Variants in CSMD2 observed in about 807,000 individuals in gnomAD.
CSMD2 encodes the protein CUB and sushi domain-containing protein 2.
CSMD2 carries 130 observed loss-of-function variants against 398.5 expected under a neutral mutation model. The ratio of observed to expected loss-of-function variants is 0.33; its 90% CI spans 0.28 to 0.38. CSMD2 has a LOEUF of 0.38. Ranked by LOEUF, CSMD2 falls within the 10% of genes least tolerant of loss-of-function variation. The pLI is 1.00. For synonymous variants in CSMD2, 1,828 were observed against 1,908.5 expected (o/e 0.96, Z 1.10); for missense variants, 3,829 against 4,764.9 (o/e 0.80, Z 5.78).
chr1:33,714,547 C>A, intron 21 of CSMD2, 40 bp downstream of exon 21: 1 of 1,602,536 alleles, frequency 6.2e-7, no homozygotes, highest in Non-Finnish European at 8.5e-7. Flanking sequence ...ATCTGTCCCA[C>A]CCCATTAGTG....
At chr1:33,932,252 G>A (rs528754500) in intron 4 of CSMD2, among the ~76,000 whole-genome samples, 1 of 152,274 alleles carries the variant, frequency 6.6e-6, no homozygotes, top group African/African-American at 2.4e-5. Flanking sequence ...GCTCAGGACA[G>A]AGAATGGGGT....
chr1:33,671,339 A>ATAATCTGC (rs1312418936), intron 25 of CSMD2, among the ~76,000 whole-genome samples: 1 of 152,056 alleles, frequency 6.6e-6, no homozygotes, highest in Non-Finnish European at 1.5e-5. Flanking sequence ...GGCACTCATG[A>ATAATCTGC]TAATCTGCAG....
intron 40 of CSMD2, 80 bp from the exon 41 acceptor site, chr1:33,611,330 T>C: frequency 8.0e-7 from 1 of 1,248,180 alleles, no homozygotes; most frequent in Non-Finnish European, 1.2e-6. Flanking sequence ...AAGCAGCTCC[T>C]GCCAGAGCCA....
Position 33,882,542 on chromosome 1 carries a change from G to A in CSMD2, c.921-35546C>T, listed in dbSNP as rs577245442. 2.0e-5 allele frequency among the ~76,000 whole-genome samples: 3 copies of A among 152,268 alleles called. No homozygotes were observed. The South Asian group carries it at 6.2e-4, about 32-fold the overall frequency. ...GCATTAGGCTGGCATTAGTGATAAGGGCACATGTGAAAACTTGCCTGTTTC... is the reference window on the plus strand; with the variant it reads ...GCATTAGGCTGGCATTAGTGATAAGAGCACATGTGAAAACTTGCCTGTTTC... On this transcript the variant is annotated intron_variant, in intron 5 of 70. Transcript: ENST00000373381.
intron 46 of CSMD2, among the ~76,000 whole-genome samples, chr1:33,585,865 A>T (rs1365406014): frequency 6.6e-6 from 1 of 152,246 alleles, no homozygotes; most frequent in Non-Finnish European, 1.5e-5. Context: ...GCCAGGCATC[A>T]TTCTAAACTG....
intron 13 of CSMD2, among the ~76,000 whole-genome samples, chr1:33,750,112 A>G (rs1179638651): frequency 7.2e-5 from 11 of 152,216 alleles, no homozygotes; most frequent in Non-Finnish European, 1.5e-4. Context: ...AAAATTTTTA[A>G]TGGAGAGGCA....
chr1:33,821,835 G>A (rs1459935233), intron 7 of CSMD2, among the ~76,000 whole-genome samples: 1 of 152,200 alleles, frequency 6.6e-6, no homozygotes, highest in African/African-American at 2.4e-5. Flanking sequence ...CCTGGAAGAG[G>A]TGGCATCGAA....
chr1:34,110,710 A>G (rs1451376110), intron 1 of CSMD2, among the ~76,000 whole-genome samples: 2 of 152,158 alleles, frequency 1.3e-5, no homozygotes, highest in Non-Finnish European at 2.9e-5. Context: ...ACATGGACAC[A>G]AAGAGGCGAG....
chr1:33,592,604 T>A (rs1412844500), intron 44 of CSMD2: 1 of 678,970 alleles, frequency 1.5e-6, no homozygotes, highest in Non-Finnish European at 2.7e-6. Flanking sequence ...AAACTACCTA[T>A]CACTAAGTGG....
At chr1:33,678,992 G>A (rs1279443254) in intron 25 of CSMD2, among the ~76,000 whole-genome samples, 1 of 152,108 alleles carries the variant, frequency 6.6e-6, no homozygotes, top group Non-Finnish European at 1.5e-5. Flanking sequence ...TAACGTGCTG[G>A]GTGACCTCCG....
chr1:33,854,284 T>C (rs563725077), intron 5 of CSMD2, among the ~76,000 whole-genome samples: 62 of 152,300 alleles, frequency 4.1e-4, no homozygotes, highest in Non-Finnish European at 7.9e-4. Context: ...CTTTCTTTGG[T>C]ACCTTGGAGA....
rs1164302389 is a variant in CSMD2, at chr1:34,082,133, G to A, written c.404+6844C>T. On this transcript the variant is annotated intron_variant, in intron 2 of 70. Coordinates refer to ENST00000373381, the MANE Select transcript of CSMD2 (RefSeq NM_001281956.2). ...GGGAGCGCCTCTGCCCGGCCGCCCC[G>A]TCTGGGATGTGAGGAGCACCTCTGC... Among the ~76,000 whole-genome samples the A allele has an allele frequency of 7.4e-4, 107 of 143,738 alleles. 1 individual carries two copies. Among genetic ancestry groups the A allele is most frequent in the African/African-American group, 1.9e-3 (74 of 38,632 alleles). 94.3% of individuals were successfully genotyped at this position (143,738 alleles called of 152,430 possible).
At chr1:33,742,137 C>T (rs964505179) in intron 14 of CSMD2, among the ~76,000 whole-genome samples, 4 of 152,208 alleles carry the variant, frequency 2.6e-5, no homozygotes, top group African/African-American at 9.7e-5. Flanking sequence ...GCAGATGAAA[C>T]AGGAATCCCC....
At chr1:33,583,919 C>T in intron 46 of CSMD2, 89 bp from the exon 47 acceptor site, 1 of 1,101,316 alleles carries the variant, frequency 9.1e-7, no homozygotes, top group Non-Finnish European at 1.3e-6. Context: ...CTAAAGACAA[C>T]CCCTAGAAAA....
chr1:34,007,046 C>A (rs1647080620), intron 3 of CSMD2, among the ~76,000 whole-genome samples: 1 of 152,102 alleles, frequency 6.6e-6, no homozygotes, highest in African/African-American at 2.4e-5. Flanking sequence ...CTGTGAATGA[C>A]CAGAGCATCC....
chr1:33,751,698 C>T (rs1047800599), intron 13 of CSMD2, among the ~76,000 whole-genome samples: 7 of 152,054 alleles, frequency 4.6e-5, no homozygotes, highest in South Asian at 2.1e-4. Flanking sequence ...CTTGGCTCAC[C>T]GTAACCTCTG....
At chr1:34,049,270 T>C (rs1351546040) in intron 2 of CSMD2, among the ~76,000 whole-genome samples, 1 of 152,140 alleles carries the variant, frequency 6.6e-6, no homozygotes, top group Non-Finnish European at 1.5e-5. Flanking sequence ...GTAAGAGAGT[T>C]TGGTCACTGG....
chr1:33,972,427 C>G (rs1645804939), intron 3 of CSMD2, among the ~76,000 whole-genome samples: 1 of 152,142 alleles, frequency 6.6e-6, no homozygotes, highest in African/African-American at 2.4e-5. Flanking sequence ...TGGAAATATG[C>G]TGCTTTACAT....
intron 22 of CSMD2, among the ~76,000 whole-genome samples, chr1:33,708,494 C>G (rs879842424): frequency 1.3e-5 from 2 of 152,112 alleles, no homozygotes; most frequent in Non-Finnish European, 2.9e-5. Context: ...TGAACACACA[C>G]ATGCATATAT....
Sources: allele counts gnomAD v4.1 joint callset (sites outside exome capture counted in the v4.1 genomes callset), GRCh38; gene constraint gnomAD v4.1.1; transcripts MANE v1.5; gene names NCBI Gene and HGNC (gene_info 2026-07-23, HGNC 2026-07-21).